PCA3: variants seen among roughly 807,000 people sequenced by gnomAD.
PCA3 encodes the protein Differential Display code 3.
intron 2 of PCA3, chr9:76,787,054 T>G (rs1254617430): frequency 6.6e-6 from 1 of 152,210 alleles, no homozygotes; most frequent in Non-Finnish European, 1.5e-5. Context: ...CTAATGAAGA[T>G]CCATAGAATT....
intron 2 of PCA3, among the ~76,000 whole-genome samples, chr9:76,781,980 C>T (rs1410749259): frequency 1.2e-4 from 18 of 151,924 alleles, no homozygotes; most frequent in African/African-American, 3.6e-4. Flanking sequence ...TTTGGGAGGC[C>T]GAAGCAGGTG....
intron 2 of PCA3, chr9:76,782,853 A>C (rs1452600801): frequency 2.0e-5 from 3 of 152,244 alleles, no homozygotes; most frequent in African/African-American, 7.2e-5. Flanking sequence ...TGGTAGAACG[A>C]AGAATAGACC....
chr9:76,779,231 A>C (rs1277810773), intron 2 of PCA3, among the ~76,000 whole-genome samples: 1 of 132,550 alleles, frequency 7.5e-6, no homozygotes. Flanking sequence ...AAAAACTTAG[A>C]CTTTTTTTTT....
intron 2 of PCA3, among the ~76,000 whole-genome samples, chr9:76,773,208 A>C (rs889785587): frequency 1.1e-4 from 16 of 152,162 alleles, no homozygotes; most frequent in African/African-American, 3.6e-4. Context: ...TTAAGGAAAA[A>C]CTTTGAATTA....
rs796197139 is a variant in PCA3, at chr9:76,776,518, CTTTTTTTTT to C, written n.853-32057_853-32049del. Among the ~76,000 whole-genome samples, 308 of 122,854 alleles carry C rather than the reference CTTTTTTTTT, an allele frequency of 2.5e-3. 3 individuals are homozygous for C. Among genetic ancestry groups the C allele is most frequent in the African/African-American group, 9.1e-3 (301 of 32,940 alleles). The allele number at this position is 122,854 out of a possible 152,430, so 80.6% of individuals were successfully genotyped here. On this transcript the variant is annotated intron_variant and non_coding_transcript_variant, in intron 2 of 5. Coordinates refer to ENST00000644657, the Ensembl canonical transcript of PCA3. ...CATTTTCTTTTTTTTTTTCTTTTTT[CTTTTTTTTT>C]TTTTTTTGAGATGAGTCTCGCTCTG...
At chr9:76,773,218 A>ACT (rs1184144332) in intron 2 of PCA3, among the ~76,000 whole-genome samples, 34 of 152,336 alleles carry the variant, frequency 2.2e-4, no homozygotes, top group Middle Eastern at 3.4e-3. Context: ...ACTTTGAATT[A>ACT]CTGTGTGCAC....
rs1257948737 is a variant in PCA3 at position 76,768,617 on chromosome 9, GTGTGTGTA to G, written n.852+32004_852+32011del. On this transcript the variant is annotated intron_variant and non_coding_transcript_variant, in intron 2 of 5. Coordinates refer to ENST00000644657, the Ensembl canonical transcript of PCA3. ...TGTGTGTGTGTGTGTGTGTGTGTGTGTGTGTGTATATCCCTGCTGACTAGATCATCAAC... is the reference window on the plus strand; with the variant it reads ...TGTGTGTGTGTGTGTGTGTGTGTGTGTATCCCTGCTGACTAGATCATCAAC... 3.6e-4 allele frequency among the ~76,000 whole-genome samples: 53 copies of G among 146,014 alleles called. No individual in the cohort carries two copies. In the South Asian group the frequency reaches 4.3e-3, roughly 12 times the overall value.
At chr9:76,772,834 G>A (rs1041312908) in intron 2 of PCA3, among the ~76,000 whole-genome samples, 3 of 152,146 alleles carry the variant, frequency 2.0e-5, no homozygotes, top group African/African-American at 4.8e-5. Context: ...ACAGTGCTGC[G>A]ATTAACAGGC....
intron 2 of PCA3, among the ~76,000 whole-genome samples, chr9:76,770,819 A>G (rs2053013203): frequency 6.6e-6 from 1 of 152,226 alleles, no homozygotes; most frequent in African/African-American, 2.4e-5. Flanking sequence ...TCCAGAAATG[A>G]CTGCTCATAA....
intron 2 of PCA3, among the ~76,000 whole-genome samples, chr9:76,776,499 C>CTTTTTT (rs58566943): frequency 1.5e-5 from 2 of 136,476 alleles, no homozygotes; most frequent in Non-Finnish European, 1.6e-5. Context: ...ACCACATTTT[C>CTTTTTT]TTTTTTTTTT....
At chr9:76,771,184 C>T (rs2053063429) in intron 2 of PCA3, among the ~76,000 whole-genome samples, 2 of 152,004 alleles carry the variant, frequency 1.3e-5, no homozygotes, top group African/African-American at 4.8e-5. Context: ...AAATTATATT[C>T]CCATGTGAAA....
At chr9:76,773,499 A>G (rs1251324478) in intron 2 of PCA3, among the ~76,000 whole-genome samples, 2 of 138,298 alleles carry the variant, frequency 1.4e-5, no homozygotes, top group African/African-American at 5.5e-5. Context: ...GCTGGAGTGC[A>G]GTGGTGCAAT....
rs190604048 is a variant in PCA3, at chr9:76,773,696, G to A, written n.853-34887G>A. Reference sequence around the variant, plus strand: ...TGACCTCAGGTGATCCACCTGACTCGGCCTCCCAAAGTGCTGGGATTACAG... The same window carrying A: ...TGACCTCAGGTGATCCACCTGACTCAGCCTCCCAAAGTGCTGGGATTACAG... On this transcript the variant is annotated intron_variant and non_coding_transcript_variant, in intron 2 of 5. Coordinates refer to ENST00000644657, the Ensembl canonical transcript of PCA3. Among the ~76,000 whole-genome samples the A allele has an allele frequency of 2.3e-4, 35 of 152,088 alleles. No individual in the cohort carries two copies. The East Asian group carries it at 4.3e-3, about 18-fold the overall frequency.
intron 2 of PCA3, chr9:76,787,198 T>C (rs1388604260): frequency 3.3e-5 from 5 of 152,228 alleles, no homozygotes; most frequent in African/African-American, 1.2e-4. Flanking sequence ...CTTGGCATAC[T>C]ATATCAACTT....
chr9:76,780,435 C>A (rs576629509), intron 2 of PCA3, among the ~76,000 whole-genome samples: 4 of 152,116 alleles, frequency 2.6e-5, no homozygotes, highest in Non-Finnish European at 4.4e-5. Context: ...CGCCTGTAAT[C>A]CCAGCACTTT....
intron 2 of PCA3, among the ~76,000 whole-genome samples, chr9:76,774,855 G>C (rs1270393969): frequency 6.6e-6 from 1 of 152,158 alleles, no homozygotes; most frequent in Non-Finnish European, 1.5e-5. Flanking sequence ...AAAGATTGTA[G>C]ATTTTAGAGA....
chr9:76,786,238 A>G (rs1057180210), intron 2 of PCA3: 4 of 152,216 alleles, frequency 2.6e-5, no homozygotes, highest in African/African-American at 9.6e-5. Flanking sequence ...GTTCATGGAT[A>G]GTCCAATAAA....
intron 2 of PCA3, among the ~76,000 whole-genome samples, chr9:76,771,412 A>G (rs2053088736): frequency 1.3e-5 from 2 of 152,206 alleles, no homozygotes; most frequent in Non-Finnish European, 2.9e-5. Flanking sequence ...AAGTCCTACT[A>G]TATGCTGGGC....
intron 2 of PCA3, chr9:76,785,938 A>C (rs1188430081): frequency 6.6e-6 from 1 of 152,242 alleles, no homozygotes; most frequent in Non-Finnish European, 1.5e-5. Context: ...TCACAAAAGC[A>C]GCTGGAAATG....
Sources: allele counts gnomAD v4.1 joint callset (sites outside exome capture counted in the v4.1 genomes callset), GRCh38; gene constraint gnomAD v4.1.1; transcripts MANE v1.5; gene names NCBI Gene and HGNC (gene_info 2026-07-23, HGNC 2026-07-21).